MSR1: variants seen among roughly 807,000 people sequenced by gnomAD.
MSR1 encodes the protein macrophage scavenger receptor 1.
A neutral mutation model predicts 47.2 loss-of-function variants in MSR1; 53 were observed. The observed-to-expected ratio is 1.12, with a 90% CI of 0.90 to 1.41. MSR1 has a LOEUF of 1.41. Ranked by LOEUF, MSR1 falls within the 40% of genes most tolerant of loss-of-function variation. The probability of loss-of-function intolerance (pLI) is 0.00; values close to 1 mark genes in which losing one functional copy is unlikely to be tolerated. For missense variants in MSR1, 786 were observed against 546.9 expected (o/e 1.44, Z -4.36); for synonymous variants, 239 against 185.6 (o/e 1.29, Z -2.34).
chr8:16,155,292 G>T, intron 5 of MSR1, 148 bp from the exon 6 acceptor site: 1 of 651,526 alleles, frequency 1.5e-6, no homozygotes, highest in Non-Finnish European at 2.7e-6. Context: ...TTCATGAATG[G>T]AGGAGTATTC....
At position 16,136,047 on chromosome 8, in the gene MSR1, T is replaced by C. The variant is rs772503032; in HGVS notation, c.1033+7511A>G. ...TCCTGAAGGGAAGATGCTGTGAACATTGTTGAGACGACAACAAAGGATTTA... is the reference window on the plus strand; with the variant it reads ...TCCTGAAGGGAAGATGCTGTGAACACTGTTGAGACGACAACAAAGGATTTA... On this transcript the variant is annotated intron_variant, in intron 8 of 9. Coordinates refer to ENST00000262101, the MANE Select transcript of MSR1 (RefSeq NM_138715.3). Among the ~76,000 whole-genome samples, 3 of 152,186 alleles carry C rather than the reference T, an allele frequency of 2.0e-5. No homozygotes were observed. In the South Asian group the frequency reaches 6.2e-4, roughly 31 times the overall value.
intron 8 of MSR1, among the ~76,000 whole-genome samples, chr8:16,126,613 A>C (rs2117075205): frequency 6.6e-6 from 1 of 152,334 alleles, no homozygotes; most frequent in South Asian, 2.1e-4. Flanking sequence ...AGATACCTGA[A>C]GAAACTGAGT....
intron 1 of MSR1, 29 bp downstream of exon 1, chr8:16,192,569 C>T (rs988417290): frequency 1.3e-5 from 2 of 151,906 alleles, no homozygotes; most frequent in African/African-American, 4.8e-5. Flanking sequence ...CTGGAAAAAA[C>T]ATTAAAATAA....
At chr8:16,154,510 C>T (rs554481856) in intron 6 of MSR1, among the ~76,000 whole-genome samples, 1 of 152,052 alleles carries the variant, frequency 6.6e-6, no homozygotes, top group East Asian at 1.9e-4. Context: ...AGGTAAGTGT[C>T]ATCCATATTT....
At chr8:16,126,830 T>G (rs900234981) in intron 8 of MSR1, among the ~76,000 whole-genome samples, 1 of 152,136 alleles carries the variant, frequency 6.6e-6, no homozygotes, top group African/African-American at 2.4e-5. Context: ...GTACTGGGAT[T>G]ACAGACATGA....
At chr8:16,181,606 A>C (rs1801834031) in intron 1 of MSR1, among the ~76,000 whole-genome samples, 1 of 151,984 alleles carries the variant, frequency 6.6e-6, no homozygotes, top group Non-Finnish European at 1.5e-5. Context: ...CAATGAGAAC[A>C]CATGGACCCA....
chr8:16,172,309 C>G (rs1801508619), intron 3 of MSR1, among the ~76,000 whole-genome samples: 1 of 152,164 alleles, frequency 6.6e-6, no homozygotes, highest in Admixed American at 6.5e-5. Context: ...ACAAGTTAAA[C>G]ATGAGGTGAC....
chr8:16,143,360 T>C (rs1332063528), intron 8 of MSR1, among the ~76,000 whole-genome samples, 198 bp downstream of exon 8: 3 of 152,058 alleles, frequency 2.0e-5, no homozygotes, highest in Admixed American at 6.6e-5. Context: ...GATAATGAGA[T>C]TGAAAGAGTT....
intron 7 of MSR1, among the ~76,000 whole-genome samples, chr8:16,146,876 C>G (rs1800713667): frequency 1.3e-5 from 2 of 152,148 alleles, no homozygotes; most frequent in African/African-American, 4.8e-5. Context: ...CTCGAAACTT[C>G]AGACTCATGT....
intron 6 of MSR1, among the ~76,000 whole-genome samples, chr8:16,151,910 C>T (rs1800871645): frequency 6.6e-6 from 1 of 152,116 alleles, no homozygotes; most frequent in Non-Finnish European, 1.5e-5. Flanking sequence ...TGATTGACCT[C>T]AAGCAAGTCA....
intron 9 of MSR1, among the ~76,000 whole-genome samples, chr8:16,113,170 G>T (rs557714215): frequency 6.6e-6 from 1 of 151,632 alleles, no homozygotes; most frequent in East Asian, 1.9e-4. Flanking sequence ...GAATGGTCTC[G>T]ATCTCTTCAC....
chr8:16,188,437 C>G (rs534770829), intron 1 of MSR1, among the ~76,000 whole-genome samples: 1 of 151,984 alleles, frequency 6.6e-6, no homozygotes, highest in Non-Finnish European at 1.5e-5. Flanking sequence ...TTTGGTATTA[C>G]GCGTTTTCCT....
intron 2 of MSR1, among the ~76,000 whole-genome samples, chr8:16,176,348 A>G (rs1484740087): frequency 6.6e-6 from 1 of 152,028 alleles, no homozygotes; most frequent in Admixed American, 6.6e-5. Flanking sequence ...CTCTACAAAA[A>G]CTACAAAAAT....
chr8:16,109,792 A>G lies in MSR1; in HGVS notation c.*293T>C, dbSNP rs1799715057. 2.7e-6 allele frequency: 1 copy of G among 375,828 alleles called. No homozygotes were observed. The highest frequency in any genetic ancestry group is 4.9e-6 in the Non-Finnish European group (1 of 204,402). 23.3% of individuals were successfully genotyped at this position (375,828 alleles called of 1,614,324 possible). ...GAGCCAATTACTGGTATGCATTTCTATTACCCTTGGCCTTTGTAATCTGGA... is the reference window on the plus strand; with the variant it reads ...GAGCCAATTACTGGTATGCATTTCTGTTACCCTTGGCCTTTGTAATCTGGA... On this transcript the variant is annotated 3_prime_UTR_variant, in exon 10 of 10. Coordinates refer to ENST00000262101, the MANE Select transcript of MSR1 (RefSeq NM_138715.3).
intron 6 of MSR1, among the ~76,000 whole-genome samples, chr8:16,150,883 CACAT>C (rs373696515): frequency 2.1e-5 from 3 of 143,530 alleles, no homozygotes; most frequent in Admixed American, 7.0e-5. Context: ...CACACACACA[CACAT>C]GCGATACACA....
chr8:16,124,642 A>T (rs1800088158), intron 8 of MSR1, among the ~76,000 whole-genome samples: 1 of 152,096 alleles, frequency 6.6e-6, no homozygotes, highest in African/African-American at 2.4e-5. Flanking sequence ...CTACACTCTC[A>T]ATCTCCAAAT....
chr8:16,166,708 C>T (rs761127480), intron 4 of MSR1, among the ~76,000 whole-genome samples: 9 of 152,168 alleles, frequency 5.9e-5, no homozygotes, highest in Non-Finnish European at 1.3e-4. Flanking sequence ...CCCTGTCTTT[C>T]ATTTGGTGCC....
Position 16,109,959 on chromosome 8 carries a change from A to T in MSR1, c.*126T>A. 9.0e-7 allele frequency: 1 copy of T among 1,116,414 alleles called. No homozygotes were observed. The highest frequency in any genetic ancestry group is 1.3e-6 in the Non-Finnish European group (1 of 760,162). 69.2% of individuals were successfully genotyped at this position (1,116,414 alleles called of 1,614,324 possible). ...AGGTGTTCAATATATTAATCCTGTAATCTAAAATATTATTTGGGCAATATT... is the reference window on the plus strand; with the variant it reads ...AGGTGTTCAATATATTAATCCTGTATTCTAAAATATTATTTGGGCAATATT... On this transcript the variant is annotated 3_prime_UTR_variant, in exon 10 of 10. Coordinates refer to ENST00000262101, the MANE Select transcript of MSR1 (RefSeq NM_138715.3).
At chr8:16,152,577 C>G (rs1359195041) in intron 6 of MSR1, among the ~76,000 whole-genome samples, 2 of 152,080 alleles carry the variant, frequency 1.3e-5, no homozygotes, top group Non-Finnish European at 2.9e-5. Flanking sequence ...CTCTCGAGGG[C>G]ATCTCATGTA....
Sources: allele counts gnomAD v4.1 joint callset (sites outside exome capture counted in the v4.1 genomes callset), GRCh38; gene constraint gnomAD v4.1.1; transcripts MANE v1.5; gene names NCBI Gene and HGNC (gene_info 2026-07-23, HGNC 2026-07-21).